Variants in ANKS1B observed in about 807,000 individuals in gnomAD.
The protein encoded by ANKS1B is ankyrin repeat and sterile alpha motif domain containing 1B.
In ANKS1B, 36 loss-of-function variants were observed where a neutral mutation model predicts 148.3. That is an observed-to-expected ratio of 0.24 (90% CI 0.19 to 0.32). The LOEUF is 0.32. Ranked by LOEUF, ANKS1B falls within the 10% of genes least tolerant of loss-of-function variation. The pLI is 1.00. For synonymous variants in ANKS1B, 542 were observed against 560.8 expected, an observed-to-expected ratio of 0.97 and a Z score of 0.47; for missense variants, 1,157 against 1,542.6, an observed-to-expected ratio of 0.75 and a Z score of 4.19.
chr12:98,750,171 A>G (rs2098040371), intron 26 of ANKS1B, among the ~76,000 whole-genome samples: 1 of 152,266 alleles, frequency 6.6e-6, no homozygotes, highest in South Asian at 2.1e-4. Flanking sequence ...CAGAACTGGG[A>G]GCCAGTGTGT....
At chr12:99,709,929 C>T (rs1471660483) in intron 8 of ANKS1B, among the ~76,000 whole-genome samples, 2 of 152,164 alleles carry the variant, frequency 1.3e-5, no homozygotes, top group Non-Finnish European at 2.9e-5. Flanking sequence ...CATGGTATCA[C>T]TTCTCCCCAT....
chr12:99,068,617 T>A (rs1400808330), intron 16 of ANKS1B, among the ~76,000 whole-genome samples: 1 of 151,722 alleles, frequency 6.6e-6, no homozygotes, highest in African/African-American at 2.4e-5. Context: ...CTCTTGGGGT[T>A]AATATATGGT....
At chr12:99,415,042 C>A (rs1163752194) in intron 11 of ANKS1B, among the ~76,000 whole-genome samples, 3 of 152,034 alleles carry the variant, frequency 2.0e-5, no homozygotes, top group Admixed American at 6.6e-5. Flanking sequence ...AATAAAAGTT[C>A]TAGTTTTTAT....
chr12:99,077,505 G>T (rs1259402884), intron 16 of ANKS1B, among the ~76,000 whole-genome samples: 1 of 152,138 alleles, frequency 6.6e-6, no homozygotes, highest in Non-Finnish European at 1.5e-5. Context: ...AATACCAGAA[G>T]AAATAAGAAC....
At chr12:99,317,528 T>C (rs561082882) in intron 12 of ANKS1B, among the ~76,000 whole-genome samples, 1 of 152,354 alleles carries the variant, frequency 6.6e-6, no homozygotes, top group South Asian at 2.1e-4. Context: ...CTTGGGAGTT[T>C]GCTGAAGTTG....
chr12:99,832,786 A>T (rs1241379688), intron 1 of ANKS1B, among the ~76,000 whole-genome samples: 3 of 152,072 alleles, frequency 2.0e-5, no homozygotes, highest in Non-Finnish European at 4.4e-5. Flanking sequence ...AAAAAATAAA[A>T]AATTAATTAG....
chr12:99,520,361 G>C (rs1596282510), intron 9 of ANKS1B, among the ~76,000 whole-genome samples: 1 of 152,134 alleles, frequency 6.6e-6, no homozygotes, highest in South Asian at 2.1e-4. Flanking sequence ...CTGGGTAAAA[G>C]TTTTTTTCCT....
chr12:99,911,547 T>C (rs952432765), intron 1 of ANKS1B, among the ~76,000 whole-genome samples: 5 of 152,206 alleles, frequency 3.3e-5, no homozygotes, highest in Middle Eastern at 3.2e-3. Flanking sequence ...TGTAAAAATA[T>C]TAAGTATAAC....
At chr12:99,535,721 A>C (rs2097058975) in intron 9 of ANKS1B, among the ~76,000 whole-genome samples, 1 of 152,098 alleles carries the variant, frequency 6.6e-6, no homozygotes, top group South Asian at 2.1e-4. Flanking sequence ...CACCTATTTT[A>C]AAAGCCAGTG....
At chr12:99,795,324 C>T (rs983804172) in intron 4 of ANKS1B, among the ~76,000 whole-genome samples, 12 of 151,628 alleles carry the variant, frequency 7.9e-5, no homozygotes, top group African/African-American at 2.9e-4. Flanking sequence ...GCGGACTTCA[C>T]AACAAAAATA....
At chr12:99,586,653 T>G (rs2097644351) in intron 9 of ANKS1B, among the ~76,000 whole-genome samples, 1 of 152,112 alleles carries the variant, frequency 6.6e-6, no homozygotes, top group Non-Finnish European at 1.5e-5. Flanking sequence ...ATGCTGCTAA[T>G]AAAGGCATAC....
At chr12:98,828,102 T>G (rs2099265175) in intron 19 of ANKS1B, among the ~76,000 whole-genome samples, 1 of 152,188 alleles carries the variant, frequency 6.6e-6, no homozygotes, top group African/African-American at 2.4e-5. Context: ...AGAGTCTCCA[T>G]AATCCCAACA....
At chr12:99,819,897 GAGA>G (rs1164220434) in intron 2 of ANKS1B, among the ~76,000 whole-genome samples, 1 of 151,698 alleles carries the variant, frequency 6.6e-6, no homozygotes, top group Non-Finnish European at 1.5e-5. Flanking sequence ...AAAAAGGGAT[GAGA>G]AGAAGTGGGA....
At chr12:99,019,146 T>C (rs901834110) in intron 17 of ANKS1B, among the ~76,000 whole-genome samples, 1 of 152,190 alleles carries the variant, frequency 6.6e-6, no homozygotes, top group East Asian at 1.9e-4. Flanking sequence ...TAATGCTCCA[T>C]AGAGTTTTGA....
At chr12:99,224,689 T>C (rs2085621793) in intron 14 of ANKS1B, among the ~76,000 whole-genome samples, 2 of 152,224 alleles carry the variant, frequency 1.3e-5, no homozygotes, top group Admixed American at 1.3e-4. Flanking sequence ...TCTCAGGTAT[T>C]TCTTTATAGC....
intron 17 of ANKS1B, among the ~76,000 whole-genome samples, chr12:98,837,994 C>T (rs61933598): frequency 0.26 from 39,990 of 152,030 alleles, 5,662 homozygotes; most frequent in Admixed American, 0.31. Flanking sequence ...TATTTCATTT[C>T]TCCCCCATGA....
intron 1 of ANKS1B, among the ~76,000 whole-genome samples, chr12:99,959,597 T>C (rs1187628992): frequency 1.3e-5 from 2 of 152,206 alleles, no homozygotes; most frequent in African/African-American, 2.4e-5. Flanking sequence ...GCTTAAGCAG[T>C]CTGCTTGCTA....
At chr12:99,613,181 T>G (rs927050656) in intron 9 of ANKS1B, among the ~76,000 whole-genome samples, 1 of 151,996 alleles carries the variant, frequency 6.6e-6, no homozygotes, top group African/African-American at 2.4e-5. Context: ...CGACTATTAT[T>G]CAAAAGTCAA....
intron 11 of ANKS1B, among the ~76,000 whole-genome samples, chr12:99,406,223 C>A (rs768238868): frequency 6.9e-6 from 1 of 145,068 alleles, no homozygotes; most frequent in Non-Finnish European, 1.5e-5. Flanking sequence ...AATATACATT[C>A]TTCTCCTTAG....
Sources: allele counts gnomAD v4.1 joint callset (sites outside exome capture counted in the v4.1 genomes callset), GRCh38; gene constraint gnomAD v4.1.1; transcripts MANE v1.5; gene names NCBI Gene and HGNC (gene_info 2026-07-23, HGNC 2026-07-21).